Variants in PALM2AKAP2 observed in about 807,000 individuals in gnomAD.
PALM2AKAP2 encodes the protein PALM2 and AKAP2 fusion.
Under a neutral mutation model 71.5 loss-of-function variants are expected in PALM2AKAP2, and 37 were observed. That is an observed-to-expected ratio of 0.52 (90% CI 0.40 to 0.68). The LOEUF is 0.68. PALM2AKAP2 is among the 30% of genes least tolerant of loss of function. The pLI is 0.00. For synonymous variants in PALM2AKAP2, 468 were observed against 478.8 expected (o/e 0.98, Z 0.29); for missense variants, 1,224 against 1,191.8 (o/e 1.03, Z -0.40).
chr9:109,705,775 A>G (rs1439251087), intron 1 of PALM2AKAP2, among the ~76,000 whole-genome samples: 2 of 152,208 alleles, frequency 1.3e-5, no homozygotes, highest in Non-Finnish European at 2.9e-5. Flanking sequence ...TACTAACTGT[A>G]TGCTTTTAGT....
intron 1 of PALM2AKAP2, among the ~76,000 whole-genome samples, chr9:110,062,618 T>A (rs568960518): frequency 6.6e-6 from 1 of 152,252 alleles, no homozygotes; most frequent in South Asian, 2.1e-4. Flanking sequence ...ATGTGCTAGG[T>A]TGTGGGAAGT....
chr9:110,168,257 G>A (rs567480170), intron 3 of PALM2AKAP2, 142 bp from the exon 11 acceptor site: 25 of 961,414 alleles, frequency 2.6e-5, no homozygotes, highest in East Asian at 6.0e-5. Context: ...TTTTTCCAGC[G>A]TCTCTCCTAT....
rs147447434 is a variant in PALM2AKAP2 at position 109,955,666 on chromosome 9, A to G, written c.496+23638A>G. Among the ~76,000 whole-genome samples the G allele has an allele frequency of 2.1e-3, 323 of 152,300 alleles. 1 individual carries two copies. The highest frequency in any genetic ancestry group is 2.9e-3 in the Non-Finnish European group (200 of 68,022). On this transcript the variant is annotated intron_variant, in intron 6 of 9. Transcript: ENST00000302798. ...CACTTTTTTTATCTTCCTAAGAGCA[A>G]TAATCCTCACAGAAGCTTGATAATT...
chr9:109,923,814 A>T lies in PALM2AKAP2; in HGVS notation c.337A>T (p.Lys113Ter). 6.2e-7 allele frequency: 1 copy of T among 1,600,420 alleles called. No individual in the cohort carries two copies. Among genetic ancestry groups the T allele is most frequent in the Non-Finnish European group, 8.5e-7 (1 of 1,176,350 alleles). Reference sequence around the variant, plus strand: ...AGAGCAAATCATCCTAGAGAAACTGAAGGAAACAGAAAAATCCTTCAAGGA... The same window carrying T: ...AGAGCAAATCATCCTAGAGAAACTGTAGGAAACAGAAAAATCCTTCAAGGA... The change falls in exon 4 of 10, where the codon AAG becomes TAG. Residue 113 changes from lysine to a stop codon, truncating the protein, a stop_gained. Coordinates refer to the PALM2AKAP2 transcript ENST00000302798. LOFTEE classifies it high-confidence loss of function.
intron 1 of PALM2AKAP2, among the ~76,000 whole-genome samples, chr9:109,814,734 A>C (rs1827809628): frequency 6.6e-6 from 1 of 152,228 alleles, no homozygotes; most frequent in Non-Finnish European, 1.5e-5. Flanking sequence ...AATTTTGAAC[A>C]CATGTATATC....
In PALM2AKAP2 at chr9:109,974,275, G is replaced by C. The variant is rs1832127133; in HGVS notation, c.497-41679G>C. On this transcript the variant is annotated intron_variant, in intron 6 of 9. Coordinates refer to the PALM2AKAP2 transcript ENST00000302798. The stretch of plus-strand genomic sequence containing the variant: ...TCAGAATTCTAAAGGGCACTCACAA[G>C]AGTTCAATGCCGATGGGCATATGCC... 2.0e-5 allele frequency among the ~76,000 whole-genome samples: 3 copies of C among 152,236 alleles called. No individual in the cohort carries two copies. The South Asian group carries it at 6.2e-4, about 32-fold the overall frequency.
At position 109,792,475 on chromosome 9, in the gene PALM2AKAP2, G is replaced by A. The variant is rs80001899; in HGVS notation, c.45+11942G>A. 3.1e-3 allele frequency among the ~76,000 whole-genome samples: 470 copies of A among 152,106 alleles called. 3 individuals carry two copies. The highest frequency in any genetic ancestry group is 1.0e-2 in the African/African-American group (414 of 41,478). On this transcript the variant is annotated intron_variant, in intron 1 of 9. Transcript: ENST00000302798. ...CAGCTCTCTCAATTTGAACACATGC[G>A]TAGATTTGTGCAATCACTGGTATAC... is the stretch of plus-strand genomic sequence containing the variant.
At chr9:110,055,677 G>A (rs1264786573) in intron 1 of PALM2AKAP2, among the ~76,000 whole-genome samples, 1 of 152,184 alleles carries the variant, frequency 6.6e-6, no homozygotes, top group African/African-American at 2.4e-5. Context: ...CCCTGGAAAG[G>A]ATTCTCATTG....
At chr9:109,728,775 G>A (rs1828512425) in intron 1 of PALM2AKAP2, among the ~76,000 whole-genome samples, 1 of 152,028 alleles carries the variant, frequency 6.6e-6, no homozygotes, top group African/African-American at 2.4e-5. Context: ...CACCCCCATT[G>A]TGGCTCCCAT....
intron 2 of PALM2AKAP2, among the ~76,000 whole-genome samples, chr9:110,155,538 A>G (rs78286517): frequency 0.019 from 2,824 of 152,214 alleles, 104 homozygotes; most frequent in African/African-American, 0.064. Flanking sequence ...CACTGACCTC[A>G]TCTCTCCATC....
At chr9:110,006,371 T>TTTCTTTCTTTCTTTCG in intron 6 of PALM2AKAP2, among the ~76,000 whole-genome samples, 1 of 142,830 alleles carries the variant, frequency 7.0e-6, no homozygotes, top group African/African-American at 2.6e-5. Context: ...TCTTTCTTTC[T>TTTCTTTCTTTCTTTCG]TCTCTCTTTC....
chr9:110,013,331 C>CAGTA lies in PALM2AKAP2; in HGVS notation c.497-2621_497-2618dup, dbSNP rs372918530. ...AGGAGGAGAATGAATATTTGCTGAA[C>CAGTA]AGTAATTCAGACTCTTACATAAGTG... On this transcript the variant is annotated intron_variant, in intron 6 of 9. Transcript: ENST00000302798. Among the ~76,000 whole-genome samples, 129 of 152,316 alleles carry CAGTA rather than the reference C, an allele frequency of 8.5e-4. 1 individual carries two copies. The highest frequency in any genetic ancestry group is 3.0e-3 in the African/African-American group (125 of 41,568).
chr9:109,726,237 A>T (rs1828474667), intron 1 of PALM2AKAP2, among the ~76,000 whole-genome samples: 1 of 152,150 alleles, frequency 6.6e-6, no homozygotes, highest in East Asian at 1.9e-4. Flanking sequence ...CCTGCCCAAG[A>T]CTTGCAATCA....
intron 3 of PALM2AKAP2, 96 bp from the exon 11 acceptor site, chr9:110,168,303 T>G: frequency 2.1e-6 from 3 of 1,450,696 alleles, no homozygotes; most frequent in Non-Finnish European, 1.9e-6. Flanking sequence ...TCCTCTCAAG[T>G]TGATAAAGAG....
chr9:109,729,404 A>C (rs17202329), intron 1 of PALM2AKAP2, among the ~76,000 whole-genome samples: 31,089 of 152,200 alleles, frequency 0.2, 3,568 homozygotes, highest in East Asian at 0.37. Context: ...CAGTATAGCC[A>C]AAGGCATCAT....
intron 1 of PALM2AKAP2, 99 bp downstream of exon 1, chr9:109,780,632 A>G: frequency 6.6e-7 from 1 of 1,523,608 alleles, no homozygotes; most frequent in African/African-American, 1.4e-5. Context: ...CAGTAGCCGC[A>G]GGTCATATGT....
At chr9:109,691,079 G>A (rs1018408300) in intron 1 of PALM2AKAP2, among the ~76,000 whole-genome samples, 1 of 152,026 alleles carries the variant, frequency 6.6e-6, no homozygotes, top group African/African-American at 2.4e-5. Context: ...AATCAGAGGA[G>A]GCTAAAACAT....
intron 1 of PALM2AKAP2, among the ~76,000 whole-genome samples, chr9:109,696,424 A>T (rs1821294644): frequency 6.6e-6 from 1 of 152,250 alleles, no homozygotes; most frequent in Non-Finnish European, 1.5e-5. Context: ...AGATTGACAA[A>T]GATTAAAAAA....
upstream of PALM2AKAP2, among the ~76,000 whole-genome samples, chr9:110,048,158 A>C (rs1353694131): frequency 6.6e-6 from 1 of 152,182 alleles, no homozygotes; most frequent in Non-Finnish European, 1.5e-5. Flanking sequence ...CGCACTTCGC[A>C]ACCAGTTCCG....
Sources: gnomAD v4.1 joint callset for allele counts (sites outside exome capture counted in the v4.1 genomes callset) on GRCh38, gnomAD v4.1.1 for gene constraint, MANE v1.5 for transcripts, NCBI Gene and HGNC (gene_info 2026-07-23, HGNC 2026-07-21) for gene names.